Variants in MYO3A observed in about 807,000 individuals in gnomAD.
MYO3A encodes myosin-IIIa.
In MYO3A, 180 loss-of-function variants were observed where a neutral mutation model predicts 192.7. The ratio of observed to expected loss-of-function variants is 0.93; its 90% CI spans 0.83 to 1.06. MYO3A has a LOEUF of 1.06. Ranked by LOEUF, MYO3A falls within the 50% of genes least tolerant of loss-of-function variation. MYO3A has a pLI of 0.00. For missense variants in MYO3A, 1,896 were observed against 1,905.0 expected (o/e 1.00, Z 0.09); for synonymous variants, 628 against 645.3 (o/e 0.97, Z 0.41).
intron 2 of MYO3A, among the ~76,000 whole-genome samples, chr10:25,948,367 A>G (rs998370369): frequency 7.9e-5 from 12 of 152,212 alleles, no homozygotes; most frequent in Non-Finnish European, 1.5e-5. Flanking sequence ...AAAGCTCAAT[A>G]TATAATAAAT....
At chr10:26,045,368 A>G (rs1843579043) in intron 10 of MYO3A, among the ~76,000 whole-genome samples, 2 of 40,746 alleles carry the variant, frequency 4.9e-5, no homozygotes, top group African/African-American at 2.2e-4. Flanking sequence ...GGGTGGCATT[A>G]GATAGATAGA....
intron 4 of MYO3A, among the ~76,000 whole-genome samples, chr10:25,977,118 A>G (rs1839008214): frequency 6.6e-6 from 1 of 152,212 alleles, no homozygotes; most frequent in Non-Finnish European, 1.5e-5. Context: ...ATGAAGAATT[A>G]GAGAGTTCAT....
intron 6 of MYO3A, among the ~76,000 whole-genome samples, chr10:26,000,010 A>C (rs1174241847): frequency 6.6e-6 from 1 of 151,822 alleles, no homozygotes; most frequent in Non-Finnish European, 1.5e-5. Flanking sequence ...CCTGCATCCT[A>C]ATCTCCTTCC....
At chr10:26,114,506 G>T (rs1474103497) in intron 17 of MYO3A, among the ~76,000 whole-genome samples, 1 of 152,124 alleles carries the variant, frequency 6.6e-6, no homozygotes. Context: ...GGCTTAGTGA[G>T]ATCTTTTTGT....
intron 4 of MYO3A, among the ~76,000 whole-genome samples, chr10:25,970,785 ATAT>A (rs1416778396): frequency 1.2e-4 from 18 of 151,990 alleles, no homozygotes; most frequent in Non-Finnish European, 2.4e-4. Context: ...TATTAATGAA[ATAT>A]TATGAACAAC....
intron 7 of MYO3A, among the ~76,000 whole-genome samples, chr10:26,018,235 C>G (rs951328680): frequency 1.3e-5 from 2 of 149,784 alleles, no homozygotes; most frequent in African/African-American, 4.9e-5. Context: ...ATATAATAAA[C>G]ATGAAAAAAG....
At chr10:26,061,315 A>G (rs925688941) in intron 10 of MYO3A, among the ~76,000 whole-genome samples, 1 of 152,240 alleles carries the variant, frequency 6.6e-6, no homozygotes, top group Non-Finnish European at 1.5e-5. Context: ...AAGGTATAGC[A>G]GGAACAATGA....
intron 6 of MYO3A, among the ~76,000 whole-genome samples, chr10:25,999,174 A>G (rs1048886642): frequency 6.6e-6 from 1 of 152,218 alleles, no homozygotes; most frequent in Non-Finnish European, 1.5e-5. Flanking sequence ...CTGGGATTAC[A>G]GGCGTGAGCC....
At chr10:25,951,662 T>G (rs1837216195) in intron 2 of MYO3A, among the ~76,000 whole-genome samples, 1 of 152,176 alleles carries the variant, frequency 6.6e-6, no homozygotes, top group Admixed American at 6.5e-5. Context: ...TATTGAGTTT[T>G]GCATAGAGAA....
chr10:26,204,772 T>G (rs1212213542), intron 34 of MYO3A, among the ~76,000 whole-genome samples: 13 of 152,222 alleles, frequency 8.5e-5, no homozygotes. Context: ...GATAGAATAG[T>G]GCATAAGATG....
intron 6 of MYO3A, among the ~76,000 whole-genome samples, chr10:25,998,374 G>A (rs1446473680): frequency 2.0e-5 from 3 of 152,188 alleles, no homozygotes; most frequent in Non-Finnish European, 4.4e-5. Flanking sequence ...GATGAATAGT[G>A]TATCCTCAAA....
At chr10:26,175,525 C>G (rs1287846921) in intron 30 of MYO3A, among the ~76,000 whole-genome samples, 4 of 152,124 alleles carry the variant, frequency 2.6e-5, no homozygotes, top group African/African-American at 7.2e-5. Flanking sequence ...CTAAACTCCC[C>G]TTTTTGTATT....
chr10:25,990,162 T>G (rs1294558645), intron 4 of MYO3A, among the ~76,000 whole-genome samples: 1 of 152,170 alleles, frequency 6.6e-6, no homozygotes, highest in African/African-American at 2.4e-5. Context: ...TCCCCTACCA[T>G]GTTCCTTCCT....
At chr10:25,982,246 C>T (rs1327250892) in intron 4 of MYO3A, among the ~76,000 whole-genome samples, 1 of 152,076 alleles carries the variant, frequency 6.6e-6, no homozygotes, top group South Asian at 2.1e-4. Flanking sequence ...CGAGCCCCAC[C>T]CAAGGAGAGG....
At chr10:26,094,429 T>TTC (rs1311853738) in intron 15 of MYO3A, among the ~76,000 whole-genome samples, 1 of 144,582 alleles carries the variant, frequency 6.9e-6, no homozygotes, top group African/African-American at 2.6e-5. Context: ...TCTTTTTTTT[T>TTC]TTTTTTTTTT....
At chr10:26,166,769 T>G (rs1464563573) in intron 27 of MYO3A, among the ~76,000 whole-genome samples, 4 of 152,196 alleles carry the variant, frequency 2.6e-5, no homozygotes, top group Non-Finnish European at 4.4e-5. Context: ...CAGACCTGCT[T>G]CTATCATAAA....
At position 26,024,098 on chromosome 10, in the gene MYO3A, A is replaced by G; in HGVS notation, c.797+11A>G. On this transcript the variant is annotated intron_variant, in intron 9 of 34. Transcript: ENST00000642920. Reference sequence around the variant, plus strand: ...TGACTTCATAAGCAAGTGAGTAAAAACAGTCTTTTAAAAAACCAAAGATAT... The same window carrying G: ...TGACTTCATAAGCAAGTGAGTAAAAGCAGTCTTTTAAAAAACCAAAGATAT... 1 of 1,608,958 alleles carries G rather than the reference A, an allele frequency of 6.2e-7. No homozygotes were observed. Among genetic ancestry groups the G allele is most frequent in the Non-Finnish European group, 8.5e-7 (1 of 1,175,592 alleles).
chr10:26,105,984 A>C (rs185551137), intron 17 of MYO3A, among the ~76,000 whole-genome samples: 2 of 151,972 alleles, frequency 1.3e-5, no homozygotes, highest in African/African-American at 4.8e-5. Context: ...CCATCAATCT[A>C]TGTTTTCTAC....
At chr10:26,162,760 AAC>A (rs1841544507) in intron 26 of MYO3A, among the ~76,000 whole-genome samples, 1 of 152,230 alleles carries the variant, frequency 6.6e-6, no homozygotes, top group Non-Finnish European at 1.5e-5. Context: ...TTTGGGGGCA[AAC>A]ACAGCTCATC....
Sources: gnomAD v4.1 joint callset for allele counts (sites outside exome capture counted in the v4.1 genomes callset) on GRCh38, gnomAD v4.1.1 for gene constraint, MANE v1.5 for transcripts, NCBI Gene and HGNC (gene_info 2026-07-23, HGNC 2026-07-21) for gene names.